Variants in SIMC1 observed in about 807,000 individuals in gnomAD.
The protein encoded by SIMC1 is SUMO interacting motifs containing 1.
Under a neutral mutation model 82.3 loss-of-function variants are expected in SIMC1, and 55 were observed. The ratio of observed to expected loss-of-function variants is 0.67; its 90% CI spans 0.54 to 0.84. The LOEUF (loss-of-function observed/expected upper bound fraction) is 0.84, where lower values mean the gene tolerates loss of function less well. SIMC1 is among the 40% of genes least tolerant of loss of function. SIMC1 has a pLI of 0.00. For synonymous variants in SIMC1, 353 were observed against 426.3 expected (o/e 0.83, Z 2.12); for missense variants, 915 against 1,107.2 (o/e 0.83, Z 2.46).
In SIMC1 at chr5:176,289,693, A is replaced by C; in HGVS notation, c.169A>C (p.Lys57Gln). ...AACTAGAGAGACCAGACCAAGGACAAAAGATCGCAGTGGACTGTATGTGAT... is the reference window on the plus strand; with the variant it reads ...AACTAGAGAGACCAGACCAAGGACACAAGATCGCAGTGGACTGTATGTGAT... ...DLTRETRPRT[K>Q]DRSGLYVIDL... The change falls in exon 2 of 10, where the codon AAA becomes CAA. Residue 57 changes from lysine to glutamine, a missense_variant. Transcript: ENST00000429602. The C allele has an allele frequency of 1.2e-6, 2 of 1,611,786 alleles. No individual in the cohort carries two copies. Among genetic ancestry groups the C allele is most frequent in the Non-Finnish European group, 1.7e-6 (2 of 1,179,010 alleles).
intron 1 of SIMC1, among the ~76,000 whole-genome samples, chr5:176,286,679 A>G (rs1763300429): frequency 6.6e-6 from 1 of 152,392 alleles, no homozygotes; most frequent in African/African-American, 2.4e-5. Context: ...AGAAACTACC[A>G]TCAGAGTGAA....
chr5:176,292,304 G>C (rs1052026794), intron 2 of SIMC1, among the ~76,000 whole-genome samples: 1 of 152,052 alleles, frequency 6.6e-6, no homozygotes, highest in African/African-American at 2.4e-5. Flanking sequence ...AAGTTCCACC[G>C]TATGAAGTGT....
chr5:176,308,063 A>G, intron 4 of SIMC1: 1 of 718,880 alleles, frequency 1.4e-6, no homozygotes, highest in East Asian at 2.7e-5. Flanking sequence ...CTGGGCCAAG[A>G]TGGCAGTGCA....
At chr5:176,269,925 TA>T (rs1445105599) in intron 1 of SIMC1, among the ~76,000 whole-genome samples, 12 of 151,962 alleles carry the variant, frequency 7.9e-5, no homozygotes, top group African/African-American at 1.9e-4. Flanking sequence ...TATTTTATTT[TA>T]TTTTTTTTTT....
At chr5:176,250,610 G>A (rs1761615859) in intron 1 of SIMC1, among the ~76,000 whole-genome samples, 2 of 152,128 alleles carry the variant, frequency 1.3e-5, no homozygotes. Flanking sequence ...CTCTTTGTAG[G>A]TCTGTAAGAA....
chr5:176,283,527 C>T (rs1463504679), intron 1 of SIMC1, among the ~76,000 whole-genome samples: 1 of 152,176 alleles, frequency 6.6e-6, no homozygotes, highest in Non-Finnish European at 1.5e-5. Flanking sequence ...GAAGGAAGCA[C>T]TAAACATGGA....
chr5:176,332,819 A>G (rs1423331748), intron 7 of SIMC1, among the ~76,000 whole-genome samples: 2 of 152,190 alleles, frequency 1.3e-5, no homozygotes, highest in African/African-American at 4.8e-5. Flanking sequence ...TTACAAAACT[A>G]TAGTACAGTA....
intron 1 of SIMC1, among the ~76,000 whole-genome samples, chr5:176,266,409 C>G (rs1376134251): frequency 2.0e-5 from 3 of 152,092 alleles, no homozygotes; most frequent in Non-Finnish European, 1.5e-5. Flanking sequence ...ATTATGTAGG[C>G]ACAACAGAGG....
chr5:176,259,914 A>C (rs1294551050), intron 1 of SIMC1, among the ~76,000 whole-genome samples: 1 of 151,734 alleles, frequency 6.6e-6, no homozygotes, highest in Non-Finnish European at 1.5e-5. Context: ...AAACATATTT[A>C]AATGTATAAT....
intron 4 of SIMC1, among the ~76,000 whole-genome samples, chr5:176,312,602 A>G (rs1490589328): frequency 6.6e-6 from 1 of 151,794 alleles, no homozygotes; most frequent in African/African-American, 2.4e-5. Flanking sequence ...CATTTGCATC[A>G]GTTATCAAGG....
intron 1 of SIMC1, among the ~76,000 whole-genome samples, chr5:176,286,436 G>A (rs7379999): frequency 2.1e-5 from 3 of 142,750 alleles, no homozygotes; most frequent in Non-Finnish European, 4.7e-5. Flanking sequence ...CCAGCCAAAT[G>A]TAGAAAGCTG....
chr5:176,291,973 C>T (rs547627470), intron 2 of SIMC1, among the ~76,000 whole-genome samples: 2 of 152,190 alleles, frequency 1.3e-5, no homozygotes, highest in Admixed American at 1.3e-4. Context: ...GGAGAATCAC[C>T]TGAATCTGGG....
intron 4 of SIMC1, 21 bp downstream of exon 4, chr5:176,296,341 A>T (rs201746438): frequency 6.2e-7 from 1 of 1,612,988 alleles, no homozygotes; most frequent in Non-Finnish European, 8.5e-7. Flanking sequence ...TTATAAGATT[A>T]TATCTTCTGT....
chr5:176,282,702 G>A (rs1488534484), intron 1 of SIMC1, among the ~76,000 whole-genome samples: 5 of 152,198 alleles, frequency 3.3e-5, no homozygotes, highest in Admixed American at 3.3e-4. Flanking sequence ...GAGAGAACAA[G>A]ACTTCAGACA....
intron 4 of SIMC1, among the ~76,000 whole-genome samples, chr5:176,307,801 T>C (rs1004798409): frequency 5.9e-5 from 9 of 152,222 alleles, no homozygotes; most frequent in African/African-American, 2.2e-4. Context: ...GATGAGAATA[T>C]AAATAGTACA....
At chr5:176,317,294 G>C (rs1764958029) in intron 5 of SIMC1, among the ~76,000 whole-genome samples, 1 of 152,130 alleles carries the variant, frequency 6.6e-6, no homozygotes, top group Non-Finnish European at 1.5e-5. Context: ...CCCTTCTTAA[G>C]GGATTTTCTT....
At chr5:176,326,187 C>T (rs1377529100) in intron 7 of SIMC1, among the ~76,000 whole-genome samples, 2 of 152,144 alleles carry the variant, frequency 1.3e-5, no homozygotes, top group Non-Finnish European at 2.9e-5. Context: ...GCGTGCTTCC[C>T]ATCCCCATCC....
At chr5:176,325,098 G>A (rs923172399) in intron 7 of SIMC1, among the ~76,000 whole-genome samples, 3 of 152,138 alleles carry the variant, frequency 2.0e-5, no homozygotes, top group African/African-American at 4.8e-5. Context: ...TAACTGTTAA[G>A]GGTGGGTGCA....
intron 1 of SIMC1, among the ~76,000 whole-genome samples, chr5:176,282,127 G>A (rs1399893807): frequency 6.6e-6 from 1 of 152,260 alleles, no homozygotes; most frequent in Non-Finnish European, 1.5e-5. Flanking sequence ...AAGCAAGCCT[G>A]GGCAATGGCG....
Sources: allele counts gnomAD v4.1 joint callset (sites outside exome capture counted in the v4.1 genomes callset), GRCh38; gene constraint gnomAD v4.1.1; transcripts MANE v1.5; gene names NCBI Gene and HGNC (gene_info 2026-07-23, HGNC 2026-07-21).